The following MALRD1 variants were observed in gnomAD, a reference collection of about 807,000 sequenced individuals.
The protein encoded by MALRD1 is MAM and LDL-receptor class A domain-containing protein 1.
MALRD1 carries 247 observed loss-of-function variants against 242.1 expected under a neutral mutation model. That is an observed-to-expected ratio of 1.02 (90% confidence interval 0.92 to 1.13). MALRD1 has a LOEUF of 1.13. Among genes scored for constraint, MALRD1 ranks in the 50% most tolerant of loss-of-function variants. The pLI is 0.00. For missense variants in MALRD1, 2,989 were observed against 2,533.1 expected, an observed-to-expected ratio of 1.18 and a Z score of -3.86; for synonymous variants, 995 against 866.6, an observed-to-expected ratio of 1.15 and a Z score of -2.60.
chr10:19,060,292 G>A (rs939551444), intron 1 of MALRD1, among the ~76,000 whole-genome samples: 3 of 152,234 alleles, frequency 2.0e-5, no homozygotes, highest in South Asian at 4.1e-4. Flanking sequence ...CCTCTGTGCC[G>A]GTGTTTCTTT....
chr10:19,206,634 C>A (rs1355520358), intron 17 of MALRD1, among the ~76,000 whole-genome samples: 2 of 152,148 alleles, frequency 1.3e-5, no homozygotes, highest in Non-Finnish European at 2.9e-5. Flanking sequence ...GTCGGTTTCT[C>A]ACACGGCTTT....
chr10:19,460,485 GA>G (rs1464414205), intron 29 of MALRD1, among the ~76,000 whole-genome samples: 2 of 151,188 alleles, frequency 1.3e-5, no homozygotes, highest in African/African-American at 4.9e-5. Context: ...ATAAGTTTCT[GA>G]AAAACCTCAT....
At chr10:19,217,715 C>T (rs1459671955) in intron 18 of MALRD1, among the ~76,000 whole-genome samples, 2 of 151,848 alleles carry the variant, frequency 1.3e-5, no homozygotes, top group Non-Finnish European at 2.9e-5. Flanking sequence ...TTAGTAGAGA[C>T]GGATTTCGCT....
intron 6 of MALRD1, among the ~76,000 whole-genome samples, chr10:19,124,018 C>T (rs1180475135): frequency 9.4e-6 from 1 of 106,142 alleles, no homozygotes; most frequent in African/African-American, 3.7e-5. Context: ...TTAGCCTGGG[C>T]AATATAGCAA....
At chr10:19,151,520 T>C (rs1833942682) in intron 11 of MALRD1, among the ~76,000 whole-genome samples, 1 of 152,152 alleles carries the variant, frequency 6.6e-6, no homozygotes, top group South Asian at 2.1e-4. Context: ...CAGTTCTATC[T>C]TCCTTTTGTT....
At chr10:19,376,547 T>A (rs1423026474) in intron 26 of MALRD1, among the ~76,000 whole-genome samples, 1 of 100,426 alleles carries the variant, frequency 1.0e-5, no homozygotes, top group African/African-American at 4.3e-5. Flanking sequence ...ACATTCTTTT[T>A]TTTTTTTTTT....
intron 36 of MALRD1, 72 bp from the exon 37 acceptor site, chr10:19,692,210 C>T: frequency 9.0e-7 from 1 of 1,115,668 alleles, no homozygotes. Flanking sequence ...ATGATTTTAT[C>T]CCATGCCAGT....
intron 28 of MALRD1, 50 bp downstream of exon 28, chr10:19,389,659 A>G (rs1242070333): frequency 2.0e-6 from 3 of 1,517,030 alleles, no homozygotes; most frequent in Non-Finnish European, 2.7e-6. Flanking sequence ...TCTGTTTTAG[A>G]GACAGGGTCT....
intron 21 of MALRD1, among the ~76,000 whole-genome samples, chr10:19,299,684 T>G (rs1049405498): frequency 2.0e-5 from 3 of 151,874 alleles, no homozygotes; most frequent in Admixed American, 6.6e-5. Context: ...CTCTTCATGT[T>G]AAACCCTCAA....
chr10:19,404,422 G>A (rs1342273540), intron 28 of MALRD1, among the ~76,000 whole-genome samples: 1 of 152,056 alleles, frequency 6.6e-6, no homozygotes, highest in Non-Finnish European at 1.5e-5. Context: ...TGACTAAGAT[G>A]TAGTATATTC....
intron 13 of MALRD1, among the ~76,000 whole-genome samples, chr10:19,171,913 G>GT (rs538283352): frequency 1.2e-3 from 148 of 125,946 alleles, no homozygotes; most frequent in Non-Finnish European, 1.6e-3. Context: ...CATAATATAT[G>GT]ATATATACAT....
chr10:19,277,472 G>T (rs1394868595), intron 19 of MALRD1, among the ~76,000 whole-genome samples: 2 of 152,044 alleles, frequency 1.3e-5, no homozygotes, highest in East Asian at 3.9e-4. Context: ...AGCAACAATG[G>T]ATTGGTGAGT....
At chr10:19,509,182 G>A (rs181968489) in intron 31 of MALRD1, among the ~76,000 whole-genome samples, 1 of 152,176 alleles carries the variant, frequency 6.6e-6, no homozygotes, top group East Asian at 1.9e-4. Context: ...GAGTTTATTT[G>A]CACAATAAAT....
intron 38 of MALRD1, among the ~76,000 whole-genome samples, chr10:19,714,353 G>A (rs1312533888): frequency 1.3e-5 from 2 of 152,126 alleles, no homozygotes; most frequent in Admixed American, 1.3e-4. Context: ...GCCAAACTCC[G>A]CATCGTTCAG....
chr10:19,457,073 C>T (rs1024764055), intron 29 of MALRD1, among the ~76,000 whole-genome samples: 4 of 152,136 alleles, frequency 2.6e-5, no homozygotes, highest in African/African-American at 7.2e-5. Flanking sequence ...GATATGATTG[C>T]CATCACTCAT....
At position 19,171,797 on chromosome 10, in the gene MALRD1, T is replaced by A. The variant is rs187154749; in HGVS notation, c.1831-3411T>A. On this transcript the variant is annotated intron_variant, in intron 13 of 39. Coordinates refer to ENST00000454679, the MANE Select transcript of MALRD1 (RefSeq NM_001142308.3). ...GATATATATATCATATATACATATA[T>A]GTGTATATATATCAGTTTGGTTATA... 2.8e-5 allele frequency among the ~76,000 whole-genome samples: 4 copies of A among 144,704 alleles called. No individual in the cohort carries two copies. In the East Asian group the frequency reaches 8.1e-4, roughly 29 times the overall value. 94.9% of individuals were successfully genotyped at this position (144,704 alleles called of 152,430 possible). A position where few individuals can be genotyped will look rare whatever the true frequency, so the allele number is the denominator to read the frequency against.
intron 38 of MALRD1, among the ~76,000 whole-genome samples, chr10:19,719,247 T>C (rs1302008951): frequency 3.2e-5 from 3 of 93,258 alleles, no homozygotes; most frequent in Non-Finnish European, 4.7e-5. Flanking sequence ...TATATATATA[T>C]ATATATATAT....
intron 36 of MALRD1, 111 bp downstream of exon 36, chr10:19,616,034 A>T (rs1839141114): frequency 1.4e-6 from 1 of 713,532 alleles, no homozygotes; most frequent in Non-Finnish European, 2.3e-6. Flanking sequence ...AGTAAGGTAA[A>T]AATAGTGGAT....
In MALRD1 at chr10:19,327,691, T is replaced by G. The variant is rs1338653845; in HGVS notation, c.3687+18T>G. The G allele has an allele frequency of 6.6e-7, 1 of 1,523,838 alleles. No individual in the cohort carries two copies. The highest frequency in any genetic ancestry group is 1.2e-5 in the South Asian group (1 of 83,374). The allele number at this position is 1,523,838 out of a possible 1,614,324, so 94.4% of individuals were successfully genotyped here. On this transcript the variant is annotated intron_variant, in intron 23 of 39. Coordinates refer to ENST00000454679, the MANE Select transcript of MALRD1 (RefSeq NM_001142308.3). Reference sequence around the variant, plus strand: ...ATACACAGGTGTGTAATACAGGTAGTTATGGGGTGAGTGAGTTCTGCTGAT... The same window carrying G: ...ATACACAGGTGTGTAATACAGGTAGGTATGGGGTGAGTGAGTTCTGCTGAT...
Sources: allele counts gnomAD v4.1 joint callset (sites outside exome capture counted in the v4.1 genomes callset), GRCh38; gene constraint gnomAD v4.1.1; transcripts MANE v1.5; gene names NCBI Gene and HGNC (gene_info 2026-07-23, HGNC 2026-07-21).